Variants in ATP8A2 observed in about 807,000 individuals in gnomAD.
ATP8A2 encodes ATPase phospholipid transporting 8A2, also known as phospholipid-transporting ATPase IB.
In ATP8A2, 100 loss-of-function variants were observed where a neutral mutation model predicts 165.6. The observed-to-expected ratio is 0.60, with a 90% CI of 0.51 to 0.71. The LOEUF is 0.71. ATP8A2 is among the 30% of genes least tolerant of loss of function. The pLI is 0.00. For missense variants in ATP8A2, 1,227 were observed against 1,479.5 expected (o/e 0.83, Z 2.80); for synonymous variants, 543 against 548.8 (o/e 0.99, Z 0.15).
Position 25,577,151 on chromosome 13 carries a change from G to C in ATP8A2, c.1782+13G>C, listed in dbSNP as rs762248304. The C allele has an allele frequency of 4.3e-6, 7 of 1,612,152 alleles. No homozygotes were observed. In the African/African-American group the frequency reaches 6.7e-5, roughly 15 times the overall value. On this transcript the variant is annotated intron_variant, in intron 20 of 36. Coordinates refer to ENST00000381655, the MANE Select transcript of ATP8A2 (RefSeq NM_016529.6). The stretch of plus-strand genomic sequence containing the variant: ...CTGTAAAGGGGCTGTAAGTACCGGA[G>C]AAGCGTTGTGCGTAGCGGAGTTCTT...
chr13:25,502,652 T>A (rs952327004), intron 2 of ATP8A2, among the ~76,000 whole-genome samples: 2 of 152,250 alleles, frequency 1.3e-5, no homozygotes, highest in Non-Finnish European at 2.9e-5. Context: ...AGAAGAACAG[T>A]GGTAGCGGGT....
At chr13:25,644,229 C>A (rs1329251582) in intron 24 of ATP8A2, among the ~76,000 whole-genome samples, 1 of 152,022 alleles carries the variant, frequency 6.6e-6, no homozygotes, top group Non-Finnish European at 1.5e-5. Context: ...CCTTTTATTT[C>A]TTTCTCTTGC....
chr13:25,433,904 C>G (rs2034681216), intron 1 of ATP8A2, among the ~76,000 whole-genome samples: 1 of 152,172 alleles, frequency 6.6e-6, no homozygotes, highest in South Asian at 2.1e-4. Flanking sequence ...TTCTCACTGA[C>G]AAGCGGGAGC....
intron 24 of ATP8A2, among the ~76,000 whole-genome samples, chr13:25,638,871 C>T (rs2041440070): frequency 6.6e-6 from 1 of 152,082 alleles, no homozygotes; most frequent in South Asian, 2.1e-4. Flanking sequence ...GTCGGGTTAC[C>T]CACAAAGAGA....
At chr13:25,560,186 A>G (rs955087248) in intron 15 of ATP8A2, among the ~76,000 whole-genome samples, 1 of 152,106 alleles carries the variant, frequency 6.6e-6, no homozygotes, top group Non-Finnish European at 1.5e-5. Context: ...TAAAAGTTGC[A>G]TATATGTTGT....
chr13:25,744,732 C>G (rs2043992270), intron 25 of ATP8A2, among the ~76,000 whole-genome samples: 1 of 152,154 alleles, frequency 6.6e-6, no homozygotes, highest in African/African-American at 2.4e-5. Flanking sequence ...GTAATAAAAA[C>G]TTGCTACAAG....
At chr13:25,814,713 C>T (rs1315219364) in intron 27 of ATP8A2, among the ~76,000 whole-genome samples, 1 of 151,240 alleles carries the variant, frequency 6.6e-6, no homozygotes, top group Non-Finnish European at 1.5e-5. Flanking sequence ...TTACTTAACA[C>T]CATATGAAAA....
chr13:25,503,049 A>G (rs1319891916), intron 2 of ATP8A2, among the ~76,000 whole-genome samples: 2 of 152,138 alleles, frequency 1.3e-5, no homozygotes, highest in Non-Finnish European at 1.5e-5. Flanking sequence ...AAGCGGGGGC[A>G]GAATGTCCAG....
intron 33 of ATP8A2, among the ~76,000 whole-genome samples, chr13:25,933,641 C>T (rs1954819752): frequency 6.6e-6 from 1 of 152,184 alleles, no homozygotes; most frequent in Non-Finnish European, 1.5e-5. Flanking sequence ...ACACCTAGGC[C>T]TTCCCAAGGG....
At chr13:25,424,909 G>C (rs546420140) in intron 1 of ATP8A2, among the ~76,000 whole-genome samples, 1 of 152,252 alleles carries the variant, frequency 6.6e-6, no homozygotes, top group African/African-American at 2.4e-5. Flanking sequence ...AGTGAGCCAA[G>C]ATTACACCAT....
intron 25 of ATP8A2, among the ~76,000 whole-genome samples, chr13:25,759,979 G>A (rs1036135594): frequency 3.9e-5 from 6 of 152,280 alleles, no homozygotes; most frequent in Admixed American, 6.5e-5. Context: ...CGCAAGTACC[G>A]ATGCATAAAT....
chr13:25,529,342 C>T (rs962800530), intron 2 of ATP8A2, among the ~76,000 whole-genome samples: 2 of 152,180 alleles, frequency 1.3e-5, no homozygotes. Context: ...AGTAAACATT[C>T]TTGTCGTTCC....
chr13:25,926,523 A>G (rs961763893), intron 33 of ATP8A2, among the ~76,000 whole-genome samples: 5 of 152,212 alleles, frequency 3.3e-5, no homozygotes, highest in Non-Finnish European at 7.3e-5. Flanking sequence ...CTTATAGTCC[A>G]TGGTATCTGC....
At chr13:25,397,060 C>T (rs7993365) in intron 1 of ATP8A2, among the ~76,000 whole-genome samples, 16,761 of 152,180 alleles carry the variant, frequency 0.11, 1,119 homozygotes, top group African/African-American at 0.18. Flanking sequence ...TGGCTGTTTT[C>T]GCTGAGTTAA....
intron 27 of ATP8A2, among the ~76,000 whole-genome samples, chr13:25,781,739 G>A (rs9511924): frequency 0.19 from 28,611 of 152,044 alleles, 2,859 homozygotes; most frequent in Admixed American, 0.24. Context: ...TGATCCACCC[G>A]CCTCGGCCTC....
chr13:25,829,729 T>C (rs1951417271), intron 28 of ATP8A2, among the ~76,000 whole-genome samples: 1 of 118,996 alleles, frequency 8.4e-6, no homozygotes, highest in African/African-American at 3.2e-5. Context: ...TATCACCTGC[T>C]TATAGTATGA....
intron 25 of ATP8A2, among the ~76,000 whole-genome samples, chr13:25,702,973 G>A (rs9511883): frequency 0.2 from 30,752 of 151,926 alleles, 3,280 homozygotes; most frequent in Admixed American, 0.25. Flanking sequence ...ACATCTCCCC[G>A]TGTGCCTTCC....
At chr13:25,533,872 A>G (rs984099428) in intron 6 of ATP8A2, among the ~76,000 whole-genome samples, 5 of 152,226 alleles carry the variant, frequency 3.3e-5, no homozygotes, top group African/African-American at 9.6e-5. Context: ...GAAATCTGCC[A>G]TACCATCTAG....
intron 28 of ATP8A2, among the ~76,000 whole-genome samples, chr13:25,835,829 G>A (rs539759706): frequency 2.0e-5 from 3 of 152,122 alleles, no homozygotes; most frequent in East Asian, 1.9e-4. Flanking sequence ...GCCTTACACC[G>A]CACCCTCAGC....
Sources: allele counts gnomAD v4.1 joint callset (sites outside exome capture counted in the v4.1 genomes callset), GRCh38; gene constraint gnomAD v4.1.1; transcripts MANE v1.5; gene names NCBI Gene and HGNC (gene_info 2026-07-23, HGNC 2026-07-21).